Variants in TESK2 observed in about 807,000 individuals in gnomAD.
The protein encoded by TESK2 is testis associated actin remodelling kinase 2.
In TESK2, 39 loss-of-function variants were observed where a neutral mutation model predicts 57.1. The ratio of observed to expected loss-of-function variants is 0.68; its 90% CI spans 0.53 to 0.89. TESK2 has a LOEUF of 0.89. Among genes scored for constraint, TESK2 ranks in the 40% least tolerant of loss-of-function variants. The pLI, the probability that TESK2 is intolerant of heterozygous loss-of-function variation, is 0.00. For synonymous variants in TESK2, 249 were observed against 267.9 expected (o/e 0.93, Z 0.69); for missense variants, 646 against 732.1 (o/e 0.88, Z 1.36).
chr1:45,421,448 A>G (rs1348155246), intron 3 of TESK2, among the ~76,000 whole-genome samples: 1 of 152,228 alleles, frequency 6.6e-6, no homozygotes, highest in Non-Finnish European at 1.5e-5. Flanking sequence ...ATTACCAGTC[A>G]GCAATAGAAA....
At chr1:45,466,431 G>C (rs1382716631) in intron 1 of TESK2, among the ~76,000 whole-genome samples, 1 of 151,654 alleles carries the variant, frequency 6.6e-6, no homozygotes, top group African/African-American at 2.4e-5. Flanking sequence ...CTGAGATCGT[G>C]CCACTGCACT....
intron 2 of TESK2, among the ~76,000 whole-genome samples, chr1:45,427,913 T>C (rs772157369): frequency 6.6e-6 from 1 of 152,192 alleles, no homozygotes; most frequent in African/African-American, 2.4e-5. Context: ...ATTGGAATGT[T>C]TGCAACACAA....
intron 3 of TESK2, among the ~76,000 whole-genome samples, chr1:45,409,983 G>A (rs1371198759): frequency 1.3e-5 from 2 of 152,062 alleles, no homozygotes; most frequent in Non-Finnish European, 2.9e-5. Flanking sequence ...TGGCCAACAT[G>A]GTGAAATCCT....
rs974551938 is a variant in TESK2 at position 45,491,161 on chromosome 1, A to C, written c.-396T>G. ...GCTCTGCTGAGCTCCCGGGCCGCGA[A>C]AGACTGAAACGCCTACCCGGCCCAG... On this transcript the variant is annotated 5_prime_UTR_variant, in exon 1 of 11. Coordinates refer to ENST00000372086, the MANE Select transcript of TESK2 (RefSeq NM_007170.3). 1.3e-5 allele frequency: 2 copies of C among 152,268 alleles called. No individual in the cohort carries two copies. The highest frequency in any genetic ancestry group is 4.8e-5 in the African/African-American group (2 of 41,460). 9.4% of individuals were successfully genotyped at this position (152,268 alleles called of 1,614,324 possible). A position where few individuals can be genotyped will look rare whatever the true frequency, so the allele number is the denominator to read the frequency against.
intron 1 of TESK2, among the ~76,000 whole-genome samples, chr1:45,458,227 G>A (rs1031773391): frequency 6.6e-6 from 1 of 152,166 alleles, no homozygotes; most frequent in Non-Finnish European, 1.5e-5. Flanking sequence ...GGATTATTAT[G>A]TTCATTTCAC....
At chr1:45,425,676 A>G (rs940762429) in intron 2 of TESK2, among the ~76,000 whole-genome samples, 1 of 152,058 alleles carries the variant, frequency 6.6e-6, no homozygotes, top group Non-Finnish European at 1.5e-5. Flanking sequence ...AAAGTTCTCT[A>G]CAATGAAAGT....
chr1:45,384,607 T>A (rs973477454), intron 4 of TESK2, among the ~76,000 whole-genome samples: 1 of 127,228 alleles, frequency 7.9e-6, no homozygotes, highest in Admixed American at 7.8e-5. Flanking sequence ...TTTTTTTTTT[T>A]TTTTTTTTTT....
intron 2 of TESK2, among the ~76,000 whole-genome samples, chr1:45,426,007 C>G (rs913554984): frequency 1.3e-5 from 2 of 151,926 alleles, no homozygotes; most frequent in African/African-American, 4.8e-5. Context: ...CAAAAACTAG[C>G]TGAGCGTGAT....
intron 1 of TESK2, among the ~76,000 whole-genome samples, chr1:45,468,175 C>CAA (rs34081885): frequency 1.9e-4 from 22 of 114,144 alleles, no homozygotes; most frequent in Non-Finnish European, 3.1e-4. Context: ...ACGTCTGTCT[C>CAA]AAAAAAAAAA....
chr1:45,383,719 T>C (rs1284337661), intron 4 of TESK2, among the ~76,000 whole-genome samples: 1 of 152,220 alleles, frequency 6.6e-6, no homozygotes, highest in Non-Finnish European at 1.5e-5. Flanking sequence ...ATGCAGGGAA[T>C]GCATCAAATA....
intron 4 of TESK2, among the ~76,000 whole-genome samples, chr1:45,380,931 G>A (rs1648627594): frequency 6.6e-6 from 1 of 152,198 alleles, no homozygotes; most frequent in South Asian, 2.1e-4. Flanking sequence ...GCTTAGCACC[G>A]TGGGGAATAT....
chr1:45,444,340 A>T (rs866771839), intron 2 of TESK2, among the ~76,000 whole-genome samples: 10 of 152,216 alleles, frequency 6.6e-5, no homozygotes, highest in Admixed American at 3.3e-4. Flanking sequence ...AAAAATAAAC[A>T]GACCTATTCC....
chr1:45,475,618 T>A (rs1189034114), intron 1 of TESK2, among the ~76,000 whole-genome samples: 1 of 152,222 alleles, frequency 6.6e-6, no homozygotes, highest in Non-Finnish European at 1.5e-5. Flanking sequence ...TGGTTAATAC[T>A]GAGTGTCAAC....
chr1:45,410,342 G>A (rs573268098), intron 3 of TESK2, among the ~76,000 whole-genome samples: 3 of 151,894 alleles, frequency 2.0e-5, no homozygotes, highest in South Asian at 2.1e-4. Flanking sequence ...AGTGGCTCAC[G>A]CCTGTAATCC....
intron 3 of TESK2, among the ~76,000 whole-genome samples, chr1:45,411,185 A>T (rs777619579): frequency 2.0e-5 from 3 of 152,134 alleles, no homozygotes; most frequent in African/African-American, 2.4e-5. Context: ...ATAGAACCTA[A>T]GACTGGTTTT....
In TESK2 at chr1:45,475,078, AAAAAG is replaced by A. The variant is rs1475484621; in HGVS notation, c.-87+15769_-87+15773del. 7.6e-5 allele frequency among the ~76,000 whole-genome samples: 11 copies of A among 143,840 alleles called. No homozygotes were observed. The South Asian group carries it at 1.3e-3, about 17-fold the overall frequency. 94.4% of individuals were successfully genotyped at this position (143,840 alleles called of 152,430 possible). ...GACTCTATCTCAAAAAAAAAAAAAAAAAAAGAAAAGAAAAGAAAGGCAACTCACCT... is the reference window on the plus strand; with the variant it reads ...GACTCTATCTCAAAAAAAAAAAAAAAAAAAGAAAAGAAAGGCAACTCACCT... On this transcript the variant is annotated intron_variant, in intron 1 of 10. Coordinates refer to ENST00000372086, the MANE Select transcript of TESK2 (RefSeq NM_007170.3).
intron 3 of TESK2, 69 bp downstream of exon 3, chr1:45,421,656 T>C: frequency 1.9e-6 from 3 of 1,588,932 alleles, no homozygotes; most frequent in Non-Finnish European, 2.6e-6. Flanking sequence ...TTTTTCCTAT[T>C]AGTGCTATTC....
chr1:45,382,236 C>T (rs1018834876), intron 4 of TESK2, among the ~76,000 whole-genome samples: 17 of 151,864 alleles, frequency 1.1e-4, no homozygotes, highest in African/African-American at 3.4e-4. Context: ...TTCACCAAAC[C>T]GTTTTCACTA....
chr1:45,402,653 T>C (rs972602128), intron 3 of TESK2, among the ~76,000 whole-genome samples: 1 of 151,980 alleles, frequency 6.6e-6, no homozygotes, highest in African/African-American at 2.4e-5. Flanking sequence ...AAGCTAATTT[T>C]GTATTTTTAG....
Sources: gnomAD v4.1 joint callset for allele counts (sites outside exome capture counted in the v4.1 genomes callset) on GRCh38, gnomAD v4.1.1 for gene constraint, MANE v1.5 for transcripts, NCBI Gene and HGNC (gene_info 2026-07-23, HGNC 2026-07-21) for gene names.